NIBAN1: variants seen among roughly 807,000 people sequenced by gnomAD.
NIBAN1 encodes niban apoptosis regulator 1, also known as protein Niban 1.
Under a neutral mutation model 75.1 loss-of-function variants are expected in NIBAN1, and 81 were observed. That is an observed-to-expected ratio of 1.08 (90% CI 0.90 to 1.30). NIBAN1 has a LOEUF of 1.30. Among genes scored for constraint, NIBAN1 ranks in the 50% most tolerant of loss-of-function variants. NIBAN1 has a pLI of 0.00. For missense variants in NIBAN1, 1,133 were observed against 1,128.1 expected (o/e 1.00, Z -0.06); for synonymous variants, 436 against 424.8 (o/e 1.03, Z -0.32).
intron 5 of NIBAN1, among the ~76,000 whole-genome samples, chr1:184,842,476 G>A (rs556004007): frequency 4.6e-5 from 7 of 152,278 alleles, no homozygotes; most frequent in Non-Finnish European, 7.4e-5. Flanking sequence ...TGGTAAGGCC[G>A]GGCATGGTGG....
At chr1:184,803,810 G>C in intron 11 of NIBAN1, 118 bp from the exon 12 acceptor site, 1 of 763,088 alleles carries the variant, frequency 1.3e-6, no homozygotes, top group South Asian at 1.6e-5. Context: ...GAGAACTCTT[G>C]TATTTCCAAG....
intron 6 of NIBAN1, among the ~76,000 whole-genome samples, chr1:184,825,957 G>T (rs988222902): frequency 6.6e-6 from 1 of 152,194 alleles, no homozygotes; most frequent in African/African-American, 2.4e-5. Context: ...TATGCTTTGG[G>T]AATTAAGGAA....
At chr1:184,803,852 C>T (rs1372884128) in intron 11 of NIBAN1, among the ~76,000 whole-genome samples, 160 bp from the exon 12 acceptor site, 4 of 152,196 alleles carry the variant, frequency 2.6e-5, no homozygotes, top group African/African-American at 7.2e-5. Context: ...AATTCCCTCA[C>T]ACTGCAGGCA....
At position 184,808,078 on chromosome 1, in the gene NIBAN1, T is replaced by C. The variant is rs1654257536; in HGVS notation, c.1331A>G (p.Gln444Arg). ...LVVQRTQNYM[Q>R]ELMENAVFTF... ...GGATGCCCCTGCCACACCCACCTCC[T>C]GCATGTAGTTCTGTGTCCTCTGAAC... The change falls in exon 10 of 14, where the codon CAG becomes CGG. Residue 444 changes from glutamine to arginine, a missense_variant. Physicochemically the swap from Gln to Arg is conservative, Grantham distance 43 (BLOSUM62 1). Transcript: ENST00000367511. 6.2e-7 allele frequency: 1 copy of C among 1,613,812 alleles called. No individual in the cohort carries two copies. The highest frequency in any genetic ancestry group is 1.6e-4 in the Middle Eastern group (1 of 6,062).
intron 1 of NIBAN1, among the ~76,000 whole-genome samples, chr1:184,939,862 C>A (rs1272867456): frequency 6.6e-6 from 1 of 152,176 alleles, no homozygotes; most frequent in Non-Finnish European, 1.5e-5. Context: ...AGATTGCACA[C>A]CTCTGGTGGG....
At chr1:184,813,977 G>GA (rs1387166502) in intron 9 of NIBAN1, among the ~76,000 whole-genome samples, 3 of 152,094 alleles carry the variant, frequency 2.0e-5, no homozygotes, top group Non-Finnish European at 4.4e-5. Flanking sequence ...TGAGCCTACT[G>GA]AAAAAAATAG....
chr1:184,939,604 C>A (rs1329440703), intron 1 of NIBAN1, among the ~76,000 whole-genome samples: 2 of 152,152 alleles, frequency 1.3e-5, no homozygotes, highest in African/African-American at 4.8e-5. Flanking sequence ...CACTTAAAGC[C>A]CCTGGATTGC....
intron 2 of NIBAN1, among the ~76,000 whole-genome samples, chr1:184,894,598 G>T (rs979812354): frequency 6.6e-6 from 1 of 152,212 alleles, no homozygotes; most frequent in Non-Finnish European, 1.5e-5. Context: ...CCCTGAACAT[G>T]ACTCAGGGTT....
At chr1:184,941,630 T>C (rs1208924932) in intron 1 of NIBAN1, among the ~76,000 whole-genome samples, 3 of 148,490 alleles carry the variant, frequency 2.0e-5, no homozygotes, top group African/African-American at 5.0e-5. Context: ...AGCCTGGGCT[T>C]TAACAAAGCA....
chr1:184,833,871 G>C (rs1284554410), intron 5 of NIBAN1, among the ~76,000 whole-genome samples: 1 of 142,580 alleles, frequency 7.0e-6, no homozygotes, highest in Non-Finnish European at 1.5e-5. Context: ...TTTTTTTTTC[G>C]ATTATACTTT....
chr1:184,880,216 A>G (rs1002518011), intron 5 of NIBAN1, among the ~76,000 whole-genome samples: 1 of 152,202 alleles, frequency 6.6e-6, no homozygotes, highest in Non-Finnish European at 1.5e-5. Flanking sequence ...TAGTCTGAGT[A>G]CCATGGGTTG....
At chr1:184,958,973 A>G (rs895126319) in intron 1 of NIBAN1, among the ~76,000 whole-genome samples, 2 of 152,258 alleles carry the variant, frequency 1.3e-5, no homozygotes, top group Non-Finnish European at 2.9e-5. Flanking sequence ...AATGAGTTAC[A>G]CAGGAAATAA....
At chr1:184,835,955 A>C (rs887952730) in intron 5 of NIBAN1, among the ~76,000 whole-genome samples, 2 of 152,226 alleles carry the variant, frequency 1.3e-5, no homozygotes, top group Non-Finnish European at 2.9e-5. Context: ...GTTTTTGCCC[A>C]TTCAGTATGA....
At chr1:184,840,438 T>C (rs1365213136) in intron 5 of NIBAN1, among the ~76,000 whole-genome samples, 3 of 152,090 alleles carry the variant, frequency 2.0e-5, no homozygotes, top group African/African-American at 7.2e-5. Flanking sequence ...GTTGGTCTAG[T>C]TGAAAGTATA....
chr1:184,927,462 A>G (rs144868788), intron 1 of NIBAN1, among the ~76,000 whole-genome samples: 2 of 152,284 alleles, frequency 1.3e-5, no homozygotes, highest in East Asian at 3.9e-4. Flanking sequence ...CTGGATTACC[A>G]GGCAGAGTCT....
chr1:184,935,724 A>C (rs1480745905), intron 1 of NIBAN1, among the ~76,000 whole-genome samples: 1 of 152,108 alleles, frequency 6.6e-6, no homozygotes, highest in East Asian at 1.9e-4. Flanking sequence ...ACCTGGGAAA[A>C]AGAAAGCCTA....
At chr1:184,830,575 C>T (rs1165889788) in intron 6 of NIBAN1, among the ~76,000 whole-genome samples, 3 of 152,042 alleles carry the variant, frequency 2.0e-5, no homozygotes, top group Non-Finnish European at 4.4e-5. Flanking sequence ...AGAAGAGCTC[C>T]CTCATGAGTT....
chr1:184,955,882 G>A (rs963962613), intron 1 of NIBAN1, among the ~76,000 whole-genome samples: 1 of 152,096 alleles, frequency 6.6e-6, no homozygotes, highest in Non-Finnish European at 1.5e-5. Flanking sequence ...CCACCTCCAG[G>A]CCTGGAGCAC....
rs200932673 is a variant in NIBAN1 at position 184,930,997 on chromosome 1, C to CTTTTTTT, written c.56-31695_56-31689dup. ...GTTTCTAAGTGCACTTTTTCTTCTT[C>CTTTTTTT]TTTTTTTTTTTTTTTTTTTTGAGAC... On this transcript the variant is annotated intron_variant, in intron 1 of 13. Coordinates refer to ENST00000367511, the MANE Select transcript of NIBAN1 (RefSeq NM_052966.4). Among the ~76,000 whole-genome samples the CTTTTTTT allele has an allele frequency of 4.1e-4, 47 of 114,540 alleles. 4 individuals carry two copies. Among genetic ancestry groups the CTTTTTTT allele is most frequent in the South Asian group, 4.9e-4 (2 of 4,088 alleles). 75.1% of individuals were successfully genotyped at this position (114,540 alleles called of 152,430 possible).
Sources: gnomAD v4.1 joint callset for allele counts (sites outside exome capture counted in the v4.1 genomes callset) on GRCh38, gnomAD v4.1.1 for gene constraint, MANE v1.5 for transcripts, NCBI Gene and HGNC (gene_info 2026-07-23, HGNC 2026-07-21) for gene names.